The following CNTNAP5 variants were observed in gnomAD, a reference collection of about 807,000 sequenced individuals.
The protein encoded by CNTNAP5 is contactin associated protein family member 5.
CNTNAP5 carries 72 observed loss-of-function variants against 150.2 expected under a neutral mutation model. That is an observed-to-expected ratio of 0.48 (90% CI 0.40 to 0.58). CNTNAP5 has a LOEUF of 0.58. CNTNAP5 is among the 20% of genes least tolerant of loss of function. CNTNAP5 has a pLI of 0.00. For missense variants in CNTNAP5, 1,636 were observed against 1,626.2 expected (o/e 1.01, Z -0.10); for synonymous variants, 672 against 619.8 (o/e 1.08, Z -1.25).
intron 13 of CNTNAP5, among the ~76,000 whole-genome samples, chr2:124,670,504 C>T (rs1308398894): frequency 6.6e-6 from 1 of 151,998 alleles, no homozygotes; most frequent in Non-Finnish European, 1.5e-5. Flanking sequence ...ATATTTTTCC[C>T]ATTCTATCTT....
At chr2:124,733,199 G>T (rs1225863345) in intron 13 of CNTNAP5, among the ~76,000 whole-genome samples, 4 of 151,960 alleles carry the variant, frequency 2.6e-5, no homozygotes, top group Non-Finnish European at 5.9e-5. Flanking sequence ...TTCAAACTTT[G>T]TAAAGAAGTA....
chr2:124,080,178 C>T (rs1282978372), intron 1 of CNTNAP5, among the ~76,000 whole-genome samples: 1 of 152,146 alleles, frequency 6.6e-6, no homozygotes, highest in Non-Finnish European at 1.5e-5. Flanking sequence ...TTATTTTGTG[C>T]TCTCTCCCAA....
intron 1 of CNTNAP5, among the ~76,000 whole-genome samples, chr2:124,140,239 C>A (rs1296551095): frequency 1.8e-4 from 27 of 150,590 alleles, no homozygotes; most frequent in Admixed American, 4.0e-4. Context: ...CCCAGGCTTG[C>A]TTAGGTAAAC....
At chr2:124,082,253 G>T (rs940048013) in intron 1 of CNTNAP5, among the ~76,000 whole-genome samples, 4 of 151,100 alleles carry the variant, frequency 2.6e-5, no homozygotes, top group Non-Finnish European at 1.5e-5. Flanking sequence ...GGAGGCTGAG[G>T]CAGGAGAATG....
intron 10 of CNTNAP5, among the ~76,000 whole-genome samples, chr2:124,529,171 G>T (rs1388028553): frequency 6.6e-6 from 1 of 151,932 alleles, no homozygotes; most frequent in Non-Finnish European, 1.5e-5. Flanking sequence ...GCGATGGTTG[G>T]CAACTATTGG....
intron 19 of CNTNAP5, among the ~76,000 whole-genome samples, chr2:124,847,024 T>C (rs971381574): frequency 6.6e-6 from 1 of 152,172 alleles, no homozygotes; most frequent in Non-Finnish European, 1.5e-5. Context: ...TGTTTTTGTT[T>C]AGAGTGCTGG....
Position 124,391,693 on chromosome 2 carries a change from C to A in CNTNAP5, c.382-25750C>A, listed in dbSNP as rs187324718. On this transcript the variant is annotated intron_variant, in intron 3 of 23. Transcript: ENST00000682447. ...AAGGGAGGCCGGGCGTGCTGGCTCA[C>A]GCCTGTAATCCCAGCACTTTGGGAG... Among the ~76,000 whole-genome samples, 593 of 152,330 alleles carry A rather than the reference C, an allele frequency of 3.9e-3. 1 individual carries two copies. The highest frequency in any genetic ancestry group is 6.5e-3 in the Non-Finnish European group (439 of 68,030).
chr2:124,485,445 C>G (rs1032336240), intron 7 of CNTNAP5, among the ~76,000 whole-genome samples: 14 of 151,694 alleles, frequency 9.2e-5, no homozygotes, highest in Non-Finnish European at 1.3e-4. Flanking sequence ...AACCCCGTAT[C>G]TACTAAAAAT....
chr2:124,847,922 T>G, intron 19 of CNTNAP5, among the ~76,000 whole-genome samples: 1 of 152,192 alleles, frequency 6.6e-6, no homozygotes, highest in Admixed American at 6.5e-5. Flanking sequence ...AAGCATAAAG[T>G]GTCTCTTTTT....
At chr2:124,676,218 C>G (rs992601150) in intron 13 of CNTNAP5, among the ~76,000 whole-genome samples, 11 of 152,168 alleles carry the variant, frequency 7.2e-5, no homozygotes, top group Admixed American at 3.9e-4. Flanking sequence ...TACTTAAATG[C>G]AAGCAGTTTA....
intron 1 of CNTNAP5, among the ~76,000 whole-genome samples, chr2:124,119,936 A>G (rs1683521662): frequency 6.6e-6 from 1 of 152,184 alleles, no homozygotes; most frequent in South Asian, 2.1e-4. Context: ...TGGTTCTCAA[A>G]CTTGGAACCA....
intron 1 of CNTNAP5, among the ~76,000 whole-genome samples, chr2:124,101,034 C>T (rs1311025716): frequency 6.6e-6 from 1 of 152,134 alleles, no homozygotes; most frequent in Admixed American, 6.5e-5. Context: ...CACTTCTGAA[C>T]ACCCATGGTT....
intron 3 of CNTNAP5, among the ~76,000 whole-genome samples, chr2:124,271,785 GCTCACCGCAAC>G (rs1483738750): frequency 6.6e-6 from 1 of 151,830 alleles, no homozygotes; most frequent in Non-Finnish European, 1.5e-5. Context: ...CACGATCTCG[GCTCACCGCAAC>G]CTCCACCTCC....
intron 3 of CNTNAP5, among the ~76,000 whole-genome samples, chr2:124,359,126 C>T (rs1324737715): frequency 2.2e-4 from 34 of 152,212 alleles, no homozygotes; most frequent in Admixed American, 9.8e-4. Context: ...TGGTAGTTTG[C>T]ATTTCTGTGG....
chr2:124,143,737 A>T (rs998961244), intron 1 of CNTNAP5, among the ~76,000 whole-genome samples: 1 of 136,178 alleles, frequency 7.3e-6, no homozygotes, highest in Non-Finnish European at 1.5e-5. Context: ...GGCACAAGAC[A>T]GGGATGTCCT....
intron 4 of CNTNAP5, among the ~76,000 whole-genome samples, chr2:124,421,076 C>A (rs1278467979): frequency 1.3e-5 from 2 of 152,130 alleles, no homozygotes; most frequent in African/African-American, 4.8e-5. Context: ...TGCTAATTGG[C>A]TATCTCAGTT....
chr2:124,443,849 T>A (rs1454489812), intron 5 of CNTNAP5, among the ~76,000 whole-genome samples: 2 of 139,956 alleles, frequency 1.4e-5, no homozygotes, highest in African/African-American at 5.3e-5. Context: ...TGTGTGTGTG[T>A]GTGATGTATA....
intron 11 of CNTNAP5, among the ~76,000 whole-genome samples, chr2:124,574,881 C>G (rs1278986242): frequency 1.3e-5 from 2 of 152,122 alleles, no homozygotes; most frequent in African/African-American, 4.8e-5. Flanking sequence ...CACAATAACA[C>G]TGTGACTTAT....
At chr2:124,608,806 G>A (rs1026811638) in intron 11 of CNTNAP5, among the ~76,000 whole-genome samples, 6 of 151,954 alleles carry the variant, frequency 3.9e-5, no homozygotes, top group African/African-American at 7.3e-5. Flanking sequence ...TTAGCTGGGC[G>A]TGGTGGCATG....
Sources: gnomAD v4.1 joint callset for allele counts (sites outside exome capture counted in the v4.1 genomes callset) on GRCh38, gnomAD v4.1.1 for gene constraint, MANE v1.5 for transcripts, NCBI Gene and HGNC (gene_info 2026-07-23, HGNC 2026-07-21) for gene names.